TRAF3: variants seen among roughly 807,000 people sequenced by gnomAD.
TRAF3 encodes the protein TNF receptor-associated factor 3.
In TRAF3, 13 loss-of-function variants were observed where a neutral mutation model predicts 62.3. The ratio of observed to expected loss-of-function variants is 0.21; its 90% CI spans 0.14 to 0.33. The LOEUF (loss-of-function observed/expected upper bound fraction) is 0.33. Ranked by LOEUF, TRAF3 falls within the 10% of genes least tolerant of loss-of-function variation. The probability of loss-of-function intolerance (pLI) is 1.00; values close to 1 mark genes in which losing one functional copy is unlikely to be tolerated. For synonymous variants in TRAF3, 269 were observed against 283.4 expected (o/e 0.95, Z 0.51); for missense variants, 440 against 741.8 (o/e 0.59, Z 4.73).
At chr14:102,891,925 A>G (rs1296428039) in intron 9 of TRAF3, among the ~76,000 whole-genome samples, 2 of 152,168 alleles carry the variant, frequency 1.3e-5, no homozygotes, top group East Asian at 3.8e-4. Context: ...TTTTTACAAG[A>G]GACAAACAGG....
chr14:102,878,329 GGTGA>G (rs1888834447), intron 6 of TRAF3, among the ~76,000 whole-genome samples: 1 of 149,242 alleles, frequency 6.7e-6, no homozygotes, highest in Admixed American at 6.8e-5. Context: ...TTTCTGTGGG[GGTGA>G]GTGTGTGAAT....
chr14:102,860,681 G>C (rs1263655388), intron 2 of TRAF3, among the ~76,000 whole-genome samples: 4 of 152,178 alleles, frequency 2.6e-5, no homozygotes, highest in South Asian at 2.1e-4. Flanking sequence ...CAACCAGAAA[G>C]TGCTCATTTT....
chr14:102,831,482 C>T (rs1900680759), intron 2 of TRAF3, among the ~76,000 whole-genome samples: 1 of 152,200 alleles, frequency 6.6e-6, no homozygotes, highest in African/African-American at 2.4e-5. Context: ...GAAGAGAGGC[C>T]TCTGGCTCTT....
chr14:102,781,020 T>C (rs566792829), intron 1 of TRAF3, among the ~76,000 whole-genome samples: 2 of 152,022 alleles, frequency 1.3e-5, no homozygotes, highest in East Asian at 3.9e-4. Flanking sequence ...AAAGTAAAAA[T>C]GTAGGATGAA....
chr14:102,815,955 C>T (rs558718144), intron 1 of TRAF3, among the ~76,000 whole-genome samples: 14 of 152,194 alleles, frequency 9.2e-5, no homozygotes, highest in African/African-American at 2.2e-4. Flanking sequence ...GATTACAATT[C>T]GAGATGAGAT....
chr14:102,874,909 G>A (rs918342337), intron 4 of TRAF3, among the ~76,000 whole-genome samples: 6 of 152,028 alleles, frequency 3.9e-5, no homozygotes, highest in African/African-American at 1.2e-4. Context: ...CTCCTGCCTC[G>A]GTTTCCCAAA....
chr14:102,869,176 A>T (rs1038279084), intron 2 of TRAF3, among the ~76,000 whole-genome samples: 1 of 152,108 alleles, frequency 6.6e-6, no homozygotes, highest in Non-Finnish European at 1.5e-5. Flanking sequence ...CAACGGGCCC[A>T]CTCCACAGCT....
intron 4 of TRAF3, among the ~76,000 whole-genome samples, chr14:102,873,557 C>T (rs921653293): frequency 3.3e-5 from 5 of 152,118 alleles, no homozygotes; most frequent in Middle Eastern, 3.2e-3. Flanking sequence ...GAATCATGAA[C>T]GAGATGCACT....
chr14:102,905,865 C>T lies in TRAF3; in HGVS notation c.*81C>T, dbSNP rs575895396. 37 of 1,331,782 alleles carry T rather than the reference C, an allele frequency of 2.8e-5. No individual in the cohort carries two copies. The highest frequency in any genetic ancestry group is 4.0e-5 in the South Asian group (3 of 75,044). The allele number at this position is 1,331,782 out of a possible 1,614,324, so 82.5% of individuals were successfully genotyped here. A position where few individuals can be genotyped will look rare whatever the true frequency, so the allele number is the denominator to read the frequency against. ...CGGTCTGTCTTCACTGAGGTCCTCG[C>T]GCTCAGAAAAGGACCTTGTGAGACG... On this transcript the variant is annotated 3_prime_UTR_variant, in exon 12 of 12. Coordinates refer to ENST00000392745, the MANE Select transcript of TRAF3 (RefSeq NM_145725.3).
chr14:102,851,126 T>C (rs1354735915), intron 2 of TRAF3, among the ~76,000 whole-genome samples: 1 of 152,236 alleles, frequency 6.6e-6, no homozygotes, highest in African/African-American at 2.4e-5. Flanking sequence ...CTTTAATGCA[T>C]TTAACTGAAT....
rs1890808485 is a variant in TRAF3 at position 102,910,456 on chromosome 14, C to G, written c.*4672C>G. 1 of 152,294 alleles carries G rather than the reference C, an allele frequency of 6.6e-6. No individual in the cohort carries two copies. Among genetic ancestry groups the G allele is most frequent in the Non-Finnish European group, 1.5e-5 (1 of 68,072 alleles). 9.4% of individuals were successfully genotyped at this position (152,294 alleles called of 1,614,324 possible). On this transcript the variant is annotated 3_prime_UTR_variant, in exon 12 of 12. Coordinates refer to ENST00000392745, the MANE Select transcript of TRAF3 (RefSeq NM_145725.3). ...TTTTCTCCAAAGTAGAATGTGCGCA[C>G]CGGGGTCCTAGCCAGGCGAGGTCAG...
At chr14:102,813,835 AGTTCGCAAATACT>A (rs1899351487) in intron 1 of TRAF3, among the ~76,000 whole-genome samples, 1 of 152,066 alleles carries the variant, frequency 6.6e-6, no homozygotes, top group South Asian at 2.1e-4. Flanking sequence ...TTGGATGAAT[AGTTCGCAAATACT>A]TTCTCCCATT....
At chr14:102,782,422 C>T (rs1020107246) in intron 1 of TRAF3, among the ~76,000 whole-genome samples, 5 of 149,760 alleles carry the variant, frequency 3.3e-5, no homozygotes, top group African/African-American at 1.2e-4. Context: ...TAGTAGAGAG[C>T]GGGTTTCACC....
At chr14:102,858,878 C>A (rs1206609869) in intron 2 of TRAF3, among the ~76,000 whole-genome samples, 1 of 152,088 alleles carries the variant, frequency 6.6e-6, no homozygotes, top group Non-Finnish European at 1.5e-5. Flanking sequence ...TAATGTTAAA[C>A]CCAATTCTTA....
chr14:102,869,822 A>AT (rs1013741146), intron 2 of TRAF3, among the ~76,000 whole-genome samples: 6 of 150,324 alleles, frequency 4.0e-5, no homozygotes, highest in African/African-American at 9.8e-5. Flanking sequence ...AAAAAAAAAA[A>AT]TTTTTGGAGA....
intron 2 of TRAF3, among the ~76,000 whole-genome samples, chr14:102,866,273 T>C (rs1382324465): frequency 6.6e-6 from 1 of 152,096 alleles, no homozygotes; most frequent in Non-Finnish European, 1.5e-5. Context: ...CACTGGGGCC[T>C]GTCGGAGGGT....
chr14:102,791,022 T>C (rs544968798), intron 1 of TRAF3, among the ~76,000 whole-genome samples: 124 of 147,330 alleles, frequency 8.4e-4, no homozygotes, highest in African/African-American at 2.8e-3. Flanking sequence ...TTTCTTTTCT[T>C]TTTTTTTTTT....
chr14:102,782,548 A>T (rs1295264019), intron 1 of TRAF3, among the ~76,000 whole-genome samples: 1 of 152,144 alleles, frequency 6.6e-6, no homozygotes, highest in Non-Finnish European at 1.5e-5. Context: ...TCTAAAATTT[A>T]AAAAAAGTCC....
intron 8 of TRAF3, 132 bp from the exon 9 acceptor site, chr14:102,891,193 T>C (rs1458367416): frequency 2.3e-6 from 2 of 860,256 alleles, no homozygotes; most frequent in Admixed American, 4.1e-5. Flanking sequence ...GGCGCAGAGA[T>C]TCCCTGTTCA....
Sources: gnomAD v4.1 joint callset for allele counts (sites outside exome capture counted in the v4.1 genomes callset) on GRCh38, gnomAD v4.1.1 for gene constraint, MANE v1.5 for transcripts, NCBI Gene and HGNC (gene_info 2026-07-23, HGNC 2026-07-21) for gene names.